Variants in STK3 observed in about 807,000 individuals in gnomAD.
The protein encoded by STK3 is serine/threonine-protein kinase 3.
In STK3, 41 loss-of-function variants were observed where a neutral mutation model predicts 58.0. The ratio of observed to expected loss-of-function variants is 0.71; its 90% CI spans 0.55 to 0.92. The LOEUF is 0.92. STK3 is among the 40% of genes least tolerant of loss of function. The probability of loss-of-function intolerance (pLI) is 0.00; values close to 1 mark genes in which losing one functional copy is unlikely to be tolerated. For missense variants in STK3, 479 were observed against 602.7 expected (o/e 0.79, Z 2.15); for synonymous variants, 170 against 191.0 (o/e 0.89, Z 0.91).
intron 6 of STK3, among the ~76,000 whole-genome samples, chr8:98,661,051 A>G (rs1162312626): frequency 6.6e-6 from 1 of 152,092 alleles, no homozygotes; most frequent in Non-Finnish European, 1.5e-5. Flanking sequence ...AGGTAACTAC[A>G]GAGGTAAATG....
At chr8:98,536,694 G>A (rs1809793885) in intron 9 of STK3, among the ~76,000 whole-genome samples, 3 of 152,118 alleles carry the variant, frequency 2.0e-5, no homozygotes, top group Admixed American at 2.0e-4. Flanking sequence ...TCTGCTTTTG[G>A]ATTTCTCATC....
chr8:98,762,178 CT>C (rs1830661750), intron 3 of STK3, among the ~76,000 whole-genome samples: 1 of 152,206 alleles, frequency 6.6e-6, no homozygotes, highest in African/African-American at 2.4e-5. Context: ...CTGAAACAGC[CT>C]ACCCATTCGT....
intron 3 of STK3, among the ~76,000 whole-genome samples, chr8:98,414,218 C>A (rs919549244): frequency 6.6e-6 from 1 of 152,076 alleles, no homozygotes; most frequent in African/African-American, 2.4e-5. Context: ...GAGCCAAGAT[C>A]GTGCCACTGC....
At chr8:98,899,518 G>T (rs910850372) in intron 1 of STK3, among the ~76,000 whole-genome samples, 2 of 152,034 alleles carry the variant, frequency 1.3e-5, no homozygotes, top group African/African-American at 2.4e-5. Context: ...ATAGTGTATT[G>T]GGTATTACAA....
chr8:98,397,978 A>G (rs536527113), downstream of STK3, among the ~76,000 whole-genome samples: 1 of 152,252 alleles, frequency 6.6e-6, no homozygotes, highest in East Asian at 1.9e-4. Flanking sequence ...TTTCTTCATA[A>G]ATAACCCAGT....
At chr8:98,791,500 C>T (rs1472372376) in intron 1 of STK3, among the ~76,000 whole-genome samples, 4 of 152,076 alleles carry the variant, frequency 2.6e-5, no homozygotes, top group Non-Finnish European at 5.9e-5. Context: ...CAAAAAAGAG[C>T]CCACATAGCC....
intron 1 of STK3, among the ~76,000 whole-genome samples, chr8:98,888,724 A>G (rs971130428): frequency 2.0e-5 from 3 of 152,222 alleles, no homozygotes; most frequent in African/African-American, 7.2e-5. Flanking sequence ...CCAATTTTCA[A>G]GTATGCAAAT....
chr8:98,391,033 T>G (rs1401267981), upstream of STK3, among the ~76,000 whole-genome samples: 2 of 152,248 alleles, frequency 1.3e-5, no homozygotes, highest in African/African-American at 4.8e-5. Flanking sequence ...ATCTAAGCAT[T>G]GGCATCCGTT....
At position 98,825,657 on chromosome 8, in the gene STK3, G is replaced by T. The variant is rs1835219346; in HGVS notation, c.-117C>A. ...CACAGAGGGAAACTCTGGGAACTCG[G>T]ACCAACTTTCCCGTAACTCCGCGGC... On this transcript the variant is annotated 5_prime_UTR_variant, in exon 1 of 11. Transcript: ENST00000419617. 5.9e-6 allele frequency: 7 copies of T among 1,192,618 alleles called. No individual in the cohort carries two copies. The highest frequency in any genetic ancestry group is 3.1e-5 in the South Asian group (1 of 31,796). The allele number at this position is 1,192,618 out of a possible 1,614,324, so 73.9% of individuals were successfully genotyped here.
chr8:98,813,434 A>G (rs1327299949), intron 1 of STK3, among the ~76,000 whole-genome samples: 1 of 152,242 alleles, frequency 6.6e-6, no homozygotes, highest in African/African-American at 2.4e-5. Context: ...TATTGGCACC[A>G]TAAAGACCTG....
intron 6 of STK3, among the ~76,000 whole-genome samples, chr8:98,618,342 C>T (rs1817948784): frequency 6.7e-6 from 1 of 150,016 alleles, no homozygotes. Context: ...CTATGACAAA[C>T]CCACAGCCAA....
At chr8:98,366,429 C>T (rs1586538257), downstream of STK3, among the ~76,000 whole-genome samples, 1 of 151,282 alleles carries the variant, frequency 6.6e-6, no homozygotes, top group East Asian at 1.9e-4. Flanking sequence ...TAACATTTTC[C>T]TTTATGATTT....
chr8:98,869,997 C>T (rs568551338), intron 3 of STK3, among the ~76,000 whole-genome samples: 1 of 152,152 alleles, frequency 6.6e-6, no homozygotes, highest in East Asian at 1.9e-4. Context: ...CTCCCCTCTC[C>T]CCCAACCCCA....
the STK3 span, among the ~76,000 whole-genome samples, chr8:98,363,345 G>T: frequency 6.6e-6 from 1 of 152,134 alleles, no homozygotes; most frequent in Non-Finnish European, 1.5e-5. Flanking sequence ...TGGTGGAAAT[G>T]CACCCCCAGA....
At position 98,621,680 on chromosome 8, in the gene STK3, T is replaced by C. The variant is rs1818337286; in HGVS notation, c.685-25511A>G. Among the ~76,000 whole-genome samples the C allele has an allele frequency of 2.6e-5, 4 of 152,270 alleles. No homozygotes were observed. The South Asian group carries it at 8.3e-4, about 32-fold the overall frequency. On this transcript the variant is annotated intron_variant, in intron 6 of 10. Coordinates refer to ENST00000419617, the MANE Select transcript of STK3 (RefSeq NM_006281.4). ...TTTCTTCTTTAGTCTGTTAATATGGTGCATTACATTGATTCAGCTGAATGG... is the reference window on the plus strand; with the variant it reads ...TTTCTTCTTTAGTCTGTTAATATGGCGCATTACATTGATTCAGCTGAATGG...
chr8:98,933,231 T>C (rs1187371378), intron 1 of STK3, among the ~76,000 whole-genome samples: 1 of 152,234 alleles, frequency 6.6e-6, no homozygotes, highest in Non-Finnish European at 1.5e-5. Flanking sequence ...ATCAGTTGTG[T>C]ACATTACTAT....
chr8:98,351,018 CT>C, the STK3 span, among the ~76,000 whole-genome samples: 1 of 152,294 alleles, frequency 6.6e-6, no homozygotes, highest in African/African-American at 2.4e-5. Flanking sequence ...TATTATCACA[CT>C]TTTTGCCAGA....
At chr8:98,598,441 T>C in intron 6 of STK3, 1 of 976,022 alleles carries the variant, frequency 1.0e-6, no homozygotes, top group African/African-American at 1.8e-5. Context: ...TCTTAGCGTA[T>C]GATCTACACC....
intron 3 of STK3, among the ~76,000 whole-genome samples, chr8:98,858,944 G>A (rs374952395): frequency 6.7e-6 from 1 of 149,330 alleles, no homozygotes; most frequent in Non-Finnish European, 1.5e-5. Context: ...GCAGCAATGT[G>A]AATAAATAAA....
Sources: gnomAD v4.1 joint callset for allele counts (sites outside exome capture counted in the v4.1 genomes callset) on GRCh38, gnomAD v4.1.1 for gene constraint, MANE v1.5 for transcripts, NCBI Gene and HGNC (gene_info 2026-07-23, HGNC 2026-07-21) for gene names.